The following EDAR variants were observed in gnomAD, a reference collection of about 807,000 sequenced individuals.
EDAR encodes ectodysplasin A receptor.
Under a neutral mutation model 51.3 loss-of-function variants are expected in EDAR, and 38 were observed. The observed-to-expected ratio is 0.74, with a 90% CI of 0.57 to 0.97. The LOEUF (loss-of-function observed/expected upper bound fraction) is 0.97. Among genes scored for constraint, EDAR ranks in the 50% least tolerant of loss-of-function variants. EDAR has a pLI of 0.00. For missense variants in EDAR, 528 were observed against 595.0 expected, an observed-to-expected ratio of 0.89 and a Z score of 1.17; for synonymous variants, 227 against 242.1, an observed-to-expected ratio of 0.94 and a Z score of 0.58.
intron 9 of EDAR, 78 bp downstream of exon 9, chr2:108,910,382 G>A (rs1696896004): frequency 8.3e-6 from 10 of 1,201,600 alleles, no homozygotes; most frequent in Admixed American, 3.7e-5. Flanking sequence ...CAGTTCACTC[G>A]GCTGCACCCT....
chr2:108,903,714 T>C (rs147543957), intron 11 of EDAR, among the ~76,000 whole-genome samples: 147 of 152,284 alleles, frequency 9.7e-4, no homozygotes, highest in African/African-American at 3.3e-3. Context: ...AAATGAACTT[T>C]GACCCAAGTT....
Position 108,942,739 on chromosome 2 carries a change from C to T in EDAR, c.-18-11707G>A, listed in dbSNP as rs1326245104. On this transcript the variant is annotated intron_variant, in intron 1 of 11. Coordinates refer to ENST00000258443, the MANE Select transcript of EDAR (RefSeq NM_022336.4). Reference sequence around the variant, plus strand: ...CCACGAAGCCAGCTTCGCTCCCAGGCACCACCCTGGCCATCTGGACTCTCA... The same window carrying T: ...CCACGAAGCCAGCTTCGCTCCCAGGTACCACCCTGGCCATCTGGACTCTCA... Among the ~76,000 whole-genome samples, 9 of 152,242 alleles carry T rather than the reference C, an allele frequency of 5.9e-5. 1 individual carries two copies. Among genetic ancestry groups the T allele is most frequent in the Admixed American group, 5.9e-4 (9 of 15,292 alleles).
intron 1 of EDAR, among the ~76,000 whole-genome samples, chr2:108,987,588 G>T (rs260681): frequency 0.95 from 144,038 of 152,270 alleles, 68,608 homozygotes; most frequent in East Asian, 1. Flanking sequence ...TTCAGGGAAA[G>T]TGTATTTACT....
Position 108,986,407 on chromosome 2 carries a change from T to TA in EDAR, c.-19+2552_-19+2553insT, listed in dbSNP as rs577935835. Among the ~76,000 whole-genome samples the TA allele has an allele frequency of 7.1e-3, 1,086 of 152,292 alleles. 8 individuals carry two copies. The highest frequency in any genetic ancestry group is 0.028 in the South Asian group (134 of 4,824). ...GGGGGAGTGTTTGCTTACTCCACTCTTATTTTTATAATCCCTGGTGGCTGT... is the reference window on the plus strand; with the variant it reads ...GGGGGAGTGTTTGCTTACTCCACTCTATATTTTTATAATCCCTGGTGGCTGT... On this transcript the variant is annotated intron_variant, in intron 1 of 11. Transcript: ENST00000258443.
intron 1 of EDAR, among the ~76,000 whole-genome samples, chr2:108,968,929 C>A (rs1698192854): frequency 6.6e-6 from 1 of 152,194 alleles, no homozygotes; most frequent in Non-Finnish European, 1.5e-5. Context: ...AAAAAGACAA[C>A]CACAAAGATT....
chr2:108,962,701 A>AGG (rs1698074755), intron 1 of EDAR, among the ~76,000 whole-genome samples: 3 of 86,710 alleles, frequency 3.5e-5, no homozygotes, highest in African/African-American at 1.1e-4. Flanking sequence ...AAAAAAAAAA[A>AGG]GAGAGAAAGG....
chr2:108,941,273 T>A (rs1697588636), intron 1 of EDAR, among the ~76,000 whole-genome samples: 1 of 152,132 alleles, frequency 6.6e-6, no homozygotes, highest in African/African-American at 2.4e-5. Flanking sequence ...TGCAAAATGG[T>A]TTTTGGTTGT....
chr2:108,910,500 A>G lies in EDAR; in HGVS notation c.763T>C (p.Phe255Leu). 6.2e-7 allele frequency: 1 copy of G among 1,613,844 alleles called. No individual in the cohort carries two copies. The highest frequency in any genetic ancestry group is 8.5e-7 in the Non-Finnish European group (1 of 1,179,930). The stretch of plus-strand genomic sequence containing the variant: ...GCTGGAGTTGCTGTCAGCTTCTCAA[A>G]TTCATCCTTCTCGGAGAACATCACC... Reference protein sequence around the residue: ...NVVMFSEKDEFEKLTATPAKP... With the variant: ...NVVMFSEKDELEKLTATPAKP... Residue 255 changes from phenylalanine (F) to leucine (L), a missense_variant, in exon 9 of 12, where the codon TTT becomes CTT. Physicochemically the swap from Phe to Leu is conservative, Grantham distance 22. Transcript: ENST00000258443.
chr2:108,906,180 G>T, intron 11 of EDAR, 128 bp downstream of exon 11: 2 of 939,052 alleles, frequency 2.1e-6, no homozygotes, highest in South Asian at 1.3e-5. Flanking sequence ...CGGCCATTCT[G>T]ACCAAAGTGC....
rs1696580129 is a variant in EDAR, at chr2:108,896,032, C to T, written c.*875G>A. ...GCTGTGTCCTTCAGCATTGCTGCCCCTAAAAGGTCAAATCTGCCTAAGACT... is the reference window on the plus strand; with the variant it reads ...GCTGTGTCCTTCAGCATTGCTGCCCTTAAAAGGTCAAATCTGCCTAAGACT... On this transcript the variant is annotated 3_prime_UTR_variant, in exon 12 of 12. Coordinates refer to ENST00000258443, the MANE Select transcript of EDAR (RefSeq NM_022336.4). 1 of 152,234 alleles carries T rather than the reference C, an allele frequency of 6.6e-6. No individual in the cohort carries two copies. The highest frequency in any genetic ancestry group is 6.5e-5 in the Admixed American group (1 of 15,290). 9.4% of individuals were successfully genotyped at this position (152,234 alleles called of 1,614,324 possible).
At chr2:108,929,689 T>G (rs1428195811) in intron 3 of EDAR, among the ~76,000 whole-genome samples, 1 of 152,130 alleles carries the variant, frequency 6.6e-6, no homozygotes, top group African/African-American at 2.4e-5. Flanking sequence ...TTCCTCAGCT[T>G]GCTACAAGAA....
At chr2:108,912,938 C>T (rs1011449272) in intron 5 of EDAR, among the ~76,000 whole-genome samples, 174 bp from the exon 6 acceptor site, 5 of 150,100 alleles carry the variant, frequency 3.3e-5, no homozygotes, top group African/African-American at 4.9e-5. Flanking sequence ...AAAGAGTCAT[C>T]GTTATTGTTC....
At chr2:108,912,523 C>CG (rs886700946) in intron 6 of EDAR, among the ~76,000 whole-genome samples, 155 bp downstream of exon 6, 16 of 152,278 alleles carry the variant, frequency 1.1e-4, no homozygotes, top group South Asian at 4.1e-4. Context: ...ACTTCCTGCA[C>CG]GGGGGGCAAC....
chr2:108,929,173 G>C (rs1483436909), intron 4 of EDAR, 25 bp downstream of exon 4: 1 of 1,613,296 alleles, frequency 6.2e-7, no homozygotes, highest in African/African-American at 1.3e-5. Context: ...GCATGCCAGG[G>C]TTTGCCAGGA....
At chr2:108,958,537 T>C (rs1011394552) in intron 1 of EDAR, among the ~76,000 whole-genome samples, 5 of 152,134 alleles carry the variant, frequency 3.3e-5, no homozygotes, top group African/African-American at 9.7e-5. Flanking sequence ...GGCAAGACCC[T>C]GGACCCAGGA....
chr2:108,926,940 G>A (rs1206937934), intron 4 of EDAR, among the ~76,000 whole-genome samples: 1 of 152,222 alleles, frequency 6.6e-6, no homozygotes, highest in Non-Finnish European at 1.5e-5. Flanking sequence ...TGACAGCCTC[G>A]TAAGAGGAAG....
At chr2:108,900,574 CAAAA>C (rs1696681945) in intron 11 of EDAR, among the ~76,000 whole-genome samples, 1 of 133,230 alleles carries the variant, frequency 7.5e-6, no homozygotes, top group African/African-American at 2.6e-5. Flanking sequence ...AAAAAAAAAA[CAAAA>C]AACCCAAACC....
intron 1 of EDAR, among the ~76,000 whole-genome samples, chr2:108,936,935 T>C (rs1477450758): frequency 6.6e-6 from 1 of 152,194 alleles, no homozygotes; most frequent in Non-Finnish European, 1.5e-5. Context: ...TTCTGACCCA[T>C]TTCCATTTTG....
At chr2:108,974,130 C>T (rs1430991089) in intron 1 of EDAR, among the ~76,000 whole-genome samples, 2 of 151,200 alleles carry the variant, frequency 1.3e-5, no homozygotes, top group Non-Finnish European at 2.9e-5. Context: ...GAGATCGAGA[C>T]CATCCTGGCT....
Sources: gnomAD v4.1 joint callset for allele counts (sites outside exome capture counted in the v4.1 genomes callset) on GRCh38, gnomAD v4.1.1 for gene constraint, MANE v1.5 for transcripts, NCBI Gene and HGNC (gene_info 2026-07-23, HGNC 2026-07-21) for gene names.